The following HEATR6 variants were observed in gnomAD, a reference collection of about 807,000 sequenced individuals.
HEATR6 encodes HEAT repeat-containing protein 6.
In HEATR6, 106 loss-of-function variants were observed where a neutral mutation model predicts 132.8. The observed-to-expected ratio is 0.80, with a 90% CI of 0.68 to 0.94. HEATR6 has a LOEUF of 0.94. Ranked by LOEUF, HEATR6 falls within the 40% of genes least tolerant of loss-of-function variation. The pLI is 0.00. For synonymous variants in HEATR6, 529 were observed against 537.8 expected (o/e 0.98, Z 0.23); for missense variants, 1,339 against 1,425.1 (o/e 0.94, Z 0.97).
intron 2 of HEATR6, among the ~76,000 whole-genome samples, chr17:60,074,413 T>C (rs1235305846): frequency 6.6e-6 from 1 of 152,212 alleles, no homozygotes; most frequent in Non-Finnish European, 1.5e-5. Flanking sequence ...TGTCACCAAG[T>C]GCTGGAAAGC....
Position 60,060,019 on chromosome 17 carries a change from G to C in HEATR6, c.1494C>G (p.Thr498=). The C allele has an allele frequency of 6.2e-7, 1 of 1,613,890 alleles. No homozygotes were observed. The highest frequency in any genetic ancestry group is 1.1e-5 in the South Asian group (1 of 91,068). Residue 498 remains threonine (T), a synonymous_variant, in exon 10 of 20, where the codon ACC becomes ACG. Transcript: ENST00000184956. The part of the protein sequence containing the change: ...SKQFLSVAED[T]SDHRRAFTPF... ...GGGTAAAAGCCCTTCTGTGGTCACT[G>C]GTATCTTCAGCAACAGAAAGAAACT...
At position 60,070,807 on chromosome 17, in the gene HEATR6, A is replaced by G. The variant is rs2083266353; in HGVS notation, c.700T>C (p.Leu234=). 2 of 1,544,716 alleles carry G rather than the reference A, an allele frequency of 1.3e-6. No individual in the cohort carries two copies. The highest frequency in any genetic ancestry group is 1.7e-5 in the Admixed American group (1 of 59,864). ...ATACCTTTTAATGCATTTTGCAATA[A>G]CTAGGGGGAAAAGGGAGACCCAGTT... The part of the protein sequence containing the change: ...SDMDDITFCM[L]LQNALKGIQS... The change falls in exon 6 of 20, where the codon TTA becomes CTA. Residue 234 remains leucine, a splice_region_variant and synonymous_variant. Coordinates refer to ENST00000184956, the MANE Select transcript of HEATR6 (RefSeq NM_022070.5).
At chr17:60,061,922 G>A (rs1187297718) in intron 9 of HEATR6, among the ~76,000 whole-genome samples, 1 of 152,160 alleles carries the variant, frequency 6.6e-6, no homozygotes, top group East Asian at 1.9e-4. Flanking sequence ...ATTAAAAATC[G>A]AATGGAAAGA....
chr17:60,050,756 G>A (rs1906551770), intron 15 of HEATR6, 87 bp downstream of exon 15: 1 of 1,511,968 alleles, frequency 6.6e-7, no homozygotes, highest in African/African-American at 1.4e-5. Context: ...AGATGATGCT[G>A]AATACTGGTT....
In HEATR6 at chr17:60,078,906, A is replaced by G. The variant is rs2083311110; in HGVS notation, c.9T>C (p.Ala3=). 1 of 915,490 alleles carries G rather than the reference A, an allele frequency of 1.1e-6. No individual in the cohort carries two copies. The highest frequency in any genetic ancestry group is 1.5e-6 in the Non-Finnish European group (1 of 655,114). 56.7% of individuals were successfully genotyped at this position (915,490 alleles called of 1,614,324 possible). A position where few individuals can be genotyped will look rare whatever the true frequency, so the allele number is the denominator to read the frequency against. MA[A]VQVVGSWPSV... The stretch of plus-strand genomic sequence containing the variant: ...AAGGCCACGAACCGACAACTTGCAC[A>G]GCAGCCATCTTTTCTACGGGCGGGG... Residue 3 remains alanine (A), a synonymous_variant, in exon 1 of 20, where the codon GCT becomes GCC. Coordinates refer to ENST00000184956, the MANE Select transcript of HEATR6 (RefSeq NM_022070.5).
At chr17:60,071,244 A>C (rs2083268672) in intron 5 of HEATR6, among the ~76,000 whole-genome samples, 1 of 152,166 alleles carries the variant, frequency 6.6e-6, no homozygotes, top group South Asian at 2.1e-4. Context: ...TCTGGAGGGC[A>C]ATTCTGACCA....
rs766819268 is a variant in HEATR6 at position 60,069,847 on chromosome 17, T to A, written c.803A>T (p.Lys268Ile). The change falls in exon 7 of 20, where the codon AAA (lysine) becomes ATA (isoleucine). Residue 268 changes from lysine (K) to isoleucine (I), a missense_variant and splice_region_variant. Physicochemically the swap from Lys to Ile is moderately radical, Grantham distance 102 (BLOSUM62 -3). Transcript: ENST00000184956. ...ELGALLAVLK[K>I]FMFHGLPGLN... Reference sequence around the variant, plus strand: ...TCCAGGGAGTCCGTGAAACATGAATTTCTAATAATGATGAATAAGGACACA... The same window carrying A: ...TCCAGGGAGTCCGTGAAACATGAATATCTAATAATGATGAATAAGGACACA... 6.2e-7 allele frequency: 1 copy of A among 1,613,642 alleles called. No individual in the cohort carries two copies. The highest frequency in any genetic ancestry group is 2.2e-5 in the East Asian group (1 of 44,876).
intron 2 of HEATR6, 38 bp from the exon 3 acceptor site, chr17:60,073,924 T>C (rs530997574): frequency 1.3e-6 from 2 of 1,594,298 alleles, no homozygotes; most frequent in African/African-American, 2.7e-5. Flanking sequence ...GATCTAACTT[T>C]TAAAAAATAT....
In HEATR6 at chr17:60,042,253, T is replaced by C. The variant is rs1906192347; in HGVS notation, c.*1310A>G. Among the ~76,000 whole-genome samples the C allele has an allele frequency of 1.3e-5, 2 of 152,226 alleles. No individual in the cohort carries two copies. Among genetic ancestry groups the C allele is most frequent in the African/African-American group, 4.8e-5 (2 of 41,458 alleles). On this transcript the variant is annotated 3_prime_UTR_variant, in exon 20 of 20. Coordinates refer to ENST00000184956, the MANE Select transcript of HEATR6 (RefSeq NM_022070.5). ...CTTGCTGGGAGTTAACTCTGGTTAT[T>C]GGATTGTGGGGAGGTGTGGCAGGGA...
chr17:60,070,654 G>C, intron 6 of HEATR6, 52 bp downstream of exon 6: 1 of 1,052,676 alleles, frequency 9.5e-7, no homozygotes, highest in Non-Finnish European at 1.5e-6. Context: ...AGTGGTCCTT[G>C]TACCATGGGT....
rs183262313 is a variant in HEATR6 at position 60,054,326 on chromosome 17, G to A, written c.2289+1189C>T. 3.0e-3 allele frequency among the ~76,000 whole-genome samples: 451 copies of A among 152,358 alleles called. 3 individuals are homozygous for A. The highest frequency in any genetic ancestry group is 0.01 in the African/African-American group (434 of 41,582). The stretch of plus-strand genomic sequence containing the variant: ...GATTTCAGAGGATTCCCTAAGCCTG[G>A]GTGCCCATGCAGAAGCCTGCCACAG... On this transcript the variant is annotated intron_variant, in intron 14 of 19. Coordinates refer to ENST00000184956, the MANE Select transcript of HEATR6 (RefSeq NM_022070.5).
chr17:60,074,189 C>G (rs1210690806), intron 2 of HEATR6: 1 of 1,017,918 alleles, frequency 9.8e-7, no homozygotes, highest in South Asian at 4.2e-5. Context: ...AGTATTTCAA[C>G]GCACTGAAAT....
rs780083482 is a variant in HEATR6, at chr17:60,049,620, C to T, written c.2507G>A (p.Arg836Gln). The T allele has an allele frequency of 1.3e-5, 21 of 1,613,810 alleles. No individual in the cohort carries two copies. The highest frequency in any genetic ancestry group is 3.3e-5 in the South Asian group (3 of 91,092). ...KNRLVKAATS[R>Q]ALGVYVLFPC... is the part of the protein sequence containing the mutation. ...AAAAAGCACATAGACTCCCAGGGCC[C>T]GTGAAGTTGCAGCTTTCACTAAGCG... The change falls in exon 16 of 20, where the codon CGG (arginine) becomes CAG (glutamine). Residue 836 changes from arginine (R) to glutamine (Q), a missense_variant. Physicochemically the swap from Arg to Gln is conservative, Grantham distance 43. Transcript: ENST00000184956.
Position 60,055,500 on chromosome 17 carries a change from T to A in HEATR6, c.2289+15A>T. On this transcript the variant is annotated intron_variant, in intron 14 of 19. Transcript: ENST00000184956. Reference sequence around the variant, plus strand: ...AGCATTAATAAAAGAAAACTATGAATTGACATTTATTTACCAAGAAGACTG... The same window carrying A: ...AGCATTAATAAAAGAAAACTATGAAATGACATTTATTTACCAAGAAGACTG... 1 of 1,568,158 alleles carries A rather than the reference T, an allele frequency of 6.4e-7. No homozygotes were observed. The highest frequency in any genetic ancestry group is 8.7e-7 in the Non-Finnish European group (1 of 1,148,570).
chr17:60,046,169 T>C lies in HEATR6; in HGVS notation c.2830A>G (p.Ile944Val), dbSNP rs375489410. The change falls in exon 19 of 20, where the codon ATA becomes GTA. Residue 944 changes from isoleucine (I) to valine (V), a missense_variant. Ile to Val is a conservative substitution (Grantham distance 29). Coordinates refer to ENST00000184956, the MANE Select transcript of HEATR6 (RefSeq NM_022070.5). ...ATTTCTGCAAATGTGGGTTTTTCTA[T>C]ATGAGAGGGTTGCAGAAAATGAAGC... ...NLLHFLQPSH[I>V]EKPTFAEIIE... 7.4e-6 allele frequency: 12 copies of C among 1,613,912 alleles called. No individual in the cohort carries two copies. The African/African-American group carries it at 9.3e-5, about 13-fold the overall frequency.
rs749504130 is a variant in HEATR6, at chr17:60,070,824, G to A, written c.700-17C>T. On this transcript the variant is annotated splice_polypyrimidine_tract_variant and intron_variant, in intron 5 of 19. Coordinates refer to ENST00000184956, the MANE Select transcript of HEATR6 (RefSeq NM_022070.5). ...TTGCAATAACTAGGGGGAAAAGGGA[G>A]ACCCAGTTAGAAGGCAGAATAAAAT... The A allele has an allele frequency of 1.5e-6, 2 of 1,320,722 alleles. No homozygotes were observed. The highest frequency in any genetic ancestry group is 4.6e-5 in the East Asian group (2 of 43,492). 81.8% of individuals were successfully genotyped at this position (1,320,722 alleles called of 1,614,324 possible).
intron 12 of HEATR6, among the ~76,000 whole-genome samples, 173 bp from the exon 13 acceptor site, chr17:60,056,410 T>C (rs986297351): frequency 9.9e-5 from 15 of 152,248 alleles, no homozygotes; most frequent in Admixed American, 7.2e-4. Flanking sequence ...AACTGTATCA[T>C]AGTTTTATGG....
At chr17:60,062,507 T>C (rs2083217429) in intron 9 of HEATR6, among the ~76,000 whole-genome samples, 2 of 152,208 alleles carry the variant, frequency 1.3e-5, no homozygotes, top group African/African-American at 4.8e-5. Context: ...TTTGCTGAGG[T>C]AGCCTAGTCA....
At chr17:60,077,088 C>T (rs192391911) in intron 1 of HEATR6, among the ~76,000 whole-genome samples, 235 of 152,204 alleles carry the variant, frequency 1.5e-3, no homozygotes, top group African/African-American at 5.4e-3. Context: ...CAAACATGTT[C>T]CTGAACCTCA....
Sources: gnomAD v4.1 joint callset for allele counts (sites outside exome capture counted in the v4.1 genomes callset) on GRCh38, gnomAD v4.1.1 for gene constraint, MANE v1.5 for transcripts, NCBI Gene and HGNC (gene_info 2026-07-23, HGNC 2026-07-21) for gene names.